RUNX2: variants seen among roughly 807,000 people sequenced by gnomAD.
RUNX2 encodes the protein RUNX family transcription factor 2.
RUNX2 carries 10 observed loss-of-function variants against 51.7 expected under a neutral mutation model. That is an observed-to-expected ratio of 0.19 (90% CI 0.12 to 0.33). RUNX2 has a LOEUF of 0.33. Ranked by LOEUF, RUNX2 falls within the 10% of genes least tolerant of loss-of-function variation. The pLI, the probability that RUNX2 is intolerant of heterozygous loss-of-function variation, is 1.00. For synonymous variants in RUNX2, 276 were observed against 273.6 expected, an observed-to-expected ratio of 1.01 and a Z score of -0.09; for missense variants, 562 against 691.3, an observed-to-expected ratio of 0.81 and a Z score of 2.10.
chr6:45,351,712 T>C (rs779205845), intron 2 of RUNX2, among the ~76,000 whole-genome samples: 7 of 152,222 alleles, frequency 4.6e-5, no homozygotes, highest in Middle Eastern at 3.4e-3. Context: ...TTCTATTCTA[T>C]CCCTCCCAAC....
intron 2 of RUNX2, among the ~76,000 whole-genome samples, chr6:45,391,761 G>A (rs1339126361): frequency 3.3e-5 from 5 of 152,112 alleles, no homozygotes; most frequent in South Asian, 2.1e-4. Context: ...TCACTATCAC[G>A]AGAACAGCAT....
intron 2 of RUNX2, among the ~76,000 whole-genome samples, chr6:45,405,942 A>G (rs1291547179): frequency 6.6e-6 from 1 of 152,218 alleles, no homozygotes; most frequent in Non-Finnish European, 1.5e-5. Context: ...CTTCATCTGA[A>G]AATAGGGATA....
chr6:45,374,619 T>C (rs1241165787), intron 2 of RUNX2, among the ~76,000 whole-genome samples: 1 of 152,208 alleles, frequency 6.6e-6, no homozygotes, highest in Non-Finnish European at 1.5e-5. Flanking sequence ...TTCTAATACA[T>C]AATCAGATTT....
At chr6:45,493,175 A>G (rs1015999517) in intron 6 of RUNX2, among the ~76,000 whole-genome samples, 5 of 152,288 alleles carry the variant, frequency 3.3e-5, no homozygotes, top group Non-Finnish European at 5.9e-5. Flanking sequence ...CTGTGAGTGT[A>G]TATATTTTAG....
intron 2 of RUNX2, among the ~76,000 whole-genome samples, chr6:45,379,587 C>T (rs1797179926): frequency 1.3e-5 from 2 of 152,132 alleles, no homozygotes; most frequent in South Asian, 4.1e-4. Context: ...CACACACAGG[C>T]CAGGCGCGGT....
intron 2 of RUNX2, among the ~76,000 whole-genome samples, chr6:45,368,814 T>G (rs752123854): frequency 6.6e-6 from 1 of 152,134 alleles, no homozygotes; most frequent in Non-Finnish European, 1.5e-5. Context: ...TATAAATTAA[T>G]AGAAAACTTT....
chr6:45,337,541 G>A (rs886102905), intron 2 of RUNX2, among the ~76,000 whole-genome samples: 2 of 151,658 alleles, frequency 1.3e-5, no homozygotes, highest in African/African-American at 4.8e-5. Context: ...CTTTTGCTAC[G>A]CCATAATGAT....
At chr6:45,539,765 A>C (rs1802158838) in intron 7 of RUNX2, among the ~76,000 whole-genome samples, 1 of 152,222 alleles carries the variant, frequency 6.6e-6, no homozygotes, top group Non-Finnish European at 1.5e-5. Flanking sequence ...TTTTTGAAGC[A>C]TCTGTCTTCT....
intron 5 of RUNX2, among the ~76,000 whole-genome samples, chr6:45,444,873 G>A (rs1372365689): frequency 1.3e-5 from 2 of 152,140 alleles, no homozygotes; most frequent in African/African-American, 4.8e-5. Context: ...GAATGGAGGG[G>A]TTGACATTTT....
intron 2 of RUNX2, among the ~76,000 whole-genome samples, chr6:45,397,357 C>A (rs975548441): frequency 6.6e-6 from 1 of 152,068 alleles, no homozygotes; most frequent in Non-Finnish European, 1.5e-5. Flanking sequence ...GATCTGCCCA[C>A]CTCCGCCTCC....
intron 2 of RUNX2, among the ~76,000 whole-genome samples, chr6:45,394,405 T>C (rs1242605175): frequency 2.0e-5 from 3 of 152,192 alleles, no homozygotes; most frequent in African/African-American, 7.2e-5. Context: ...TCAAATGTCC[T>C]CTAGAGTCCT....
At chr6:45,540,548 G>T (rs2150447311) in intron 7 of RUNX2, among the ~76,000 whole-genome samples, 1 of 152,194 alleles carries the variant, frequency 6.6e-6, no homozygotes, top group Admixed American at 6.5e-5. Flanking sequence ...CTCATCTATA[G>T]AACTCATCTA....
chr6:45,332,142 T>C (rs1787640009), intron 2 of RUNX2, among the ~76,000 whole-genome samples: 1 of 151,944 alleles, frequency 6.6e-6, no homozygotes, highest in African/African-American at 2.4e-5. Flanking sequence ...CTTTCAATTT[T>C]ACACACTGGT....
intron 2 of RUNX2, among the ~76,000 whole-genome samples, chr6:45,380,668 C>G (rs1185686844): frequency 6.6e-6 from 1 of 152,168 alleles, no homozygotes; most frequent in Non-Finnish European, 1.5e-5. Flanking sequence ...CTTCCTCTTC[C>G]CCAATTCAAG....
intron 6 of RUNX2, among the ~76,000 whole-genome samples, chr6:45,501,656 A>G (rs1042837878): frequency 5.9e-5 from 9 of 152,228 alleles, no homozygotes; most frequent in African/African-American, 9.6e-5. Flanking sequence ...ACTTAGAGAT[A>G]AGGCATATAT....
At chr6:45,497,960 G>A (rs1563112382) in intron 6 of RUNX2, among the ~76,000 whole-genome samples, 1 of 152,102 alleles carries the variant, frequency 6.6e-6, no homozygotes, top group Non-Finnish European at 1.5e-5. Flanking sequence ...CATGTGTCAG[G>A]CATTGTTCTA....
At chr6:45,458,654 T>G (rs1317926179) in intron 5 of RUNX2, among the ~76,000 whole-genome samples, 2 of 152,198 alleles carry the variant, frequency 1.3e-5, no homozygotes, top group Admixed American at 1.3e-4. Flanking sequence ...TCAGTAAAAA[T>G]ATATGAAAAA....
intron 7 of RUNX2, among the ~76,000 whole-genome samples, chr6:45,528,375 C>G (rs1801737234): frequency 6.6e-6 from 1 of 152,184 alleles, no homozygotes; most frequent in South Asian, 2.1e-4. Context: ...AATCCCAGCA[C>G]TTTGGGAGAC....
intron 2 of RUNX2, among the ~76,000 whole-genome samples, chr6:45,410,460 C>G (rs1797926106): frequency 6.6e-6 from 1 of 152,082 alleles, no homozygotes; most frequent in Admixed American, 6.6e-5. Flanking sequence ...AAGTTTCTAC[C>G]TAAGGGGATA....
Sources: gnomAD v4.1 joint callset for allele counts (sites outside exome capture counted in the v4.1 genomes callset) on GRCh38, gnomAD v4.1.1 for gene constraint, MANE v1.5 for transcripts, NCBI Gene and HGNC (gene_info 2026-07-23, HGNC 2026-07-21) for gene names.